Variants in SCAF8 observed in about 807,000 individuals in gnomAD.
SCAF8 encodes the protein SR-related and CTD-associated factor 8.
A neutral mutation model predicts 140.5 loss-of-function variants in SCAF8; 23 were observed. That is an observed-to-expected ratio of 0.16 (90% CI 0.12 to 0.23). The LOEUF (loss-of-function observed/expected upper bound fraction) is 0.23, where lower values mean the gene tolerates loss of function less well. Ranked by LOEUF, SCAF8 falls within the 10% of genes least tolerant of loss-of-function variation. The probability of loss-of-function intolerance (pLI) is 1.00; values close to 1 mark genes in which losing one functional copy is unlikely to be tolerated. For synonymous variants in SCAF8, 575 were observed against 528.9 expected (o/e 1.09, Z -1.20); for missense variants, 1,397 against 1,555.7 (o/e 0.90, Z 1.72).
intron 12 of SCAF8, among the ~76,000 whole-genome samples, chr6:154,812,433 C>G (rs539827711): frequency 4.6e-4 from 70 of 151,408 alleles, no homozygotes; most frequent in Admixed American, 9.2e-4. Flanking sequence ...GGAAGAACAA[C>G]TTATGTGCCT....
At chr6:154,792,173 A>C (rs1436626369) in intron 4 of SCAF8, among the ~76,000 whole-genome samples, 4 of 152,134 alleles carry the variant, frequency 2.6e-5, no homozygotes, top group Admixed American at 2.6e-4. Context: ...GTAAAGAATA[A>C]AGAAGAGGGA....
At chr6:154,770,417 C>CTCTCTG (rs1554259297) in intron 1 of SCAF8, among the ~76,000 whole-genome samples, 3 of 101,872 alleles carry the variant, frequency 2.9e-5, no homozygotes, top group African/African-American at 1.3e-4. Context: ...CTCTCTCTCT[C>CTCTCTG]TCTCTCTAGT....
At chr6:154,743,408 A>G (rs1279315713) in intron 1 of SCAF8, among the ~76,000 whole-genome samples, 1 of 152,242 alleles carries the variant, frequency 6.6e-6, no homozygotes, top group Non-Finnish European at 1.5e-5. Context: ...ATTAGTCTCC[A>G]CATGCATGAT....
In SCAF8 at chr6:154,773,250, A is replaced by G. The variant is rs535648175; in HGVS notation, c.31-739A>G. Among the ~76,000 whole-genome samples the G allele has an allele frequency of 2.8e-3, 434 of 152,320 alleles. 3 individuals carry two copies. The highest frequency in any genetic ancestry group is 0.01 in the African/African-American group (424 of 41,574). On this transcript the variant is annotated intron_variant, in intron 1 of 19. Coordinates refer to ENST00000367178, the MANE Select transcript of SCAF8 (RefSeq NM_014892.5). ...TTATCTCCAGCTCTTTCAGCCCTAG[A>G]CAACCACCAATAGATTTGCCCTTTC...
chr6:154,762,254 A>G (rs1379793428), intron 1 of SCAF8, among the ~76,000 whole-genome samples: 2 of 152,196 alleles, frequency 1.3e-5, no homozygotes, highest in Non-Finnish European at 2.9e-5. Flanking sequence ...TCTTTTGCTA[A>G]TGGTTTCACT....
chr6:154,782,457 G>A (rs1210318603), intron 3 of SCAF8, among the ~76,000 whole-genome samples: 1 of 151,848 alleles, frequency 6.6e-6, no homozygotes, highest in Admixed American at 6.6e-5. Context: ...AAATGGGGGC[G>A]GCAGCAGCAG....
chr6:154,744,032 C>T (rs1387804407), intron 1 of SCAF8, among the ~76,000 whole-genome samples: 3 of 152,198 alleles, frequency 2.0e-5, no homozygotes, highest in Admixed American at 6.5e-5. Context: ...CGGTGGCTCA[C>T]GCCTGTAATC....
chr6:154,827,012 G>C (rs1048854557), intron 17 of SCAF8, among the ~76,000 whole-genome samples, 160 bp from the exon 18 acceptor site: 1 of 152,102 alleles, frequency 6.6e-6, no homozygotes, highest in African/African-American at 2.4e-5. Flanking sequence ...AAATAAGGCA[G>C]CGTATATAAA....
At chr6:154,783,593 G>T (rs374654847) in intron 3 of SCAF8, among the ~76,000 whole-genome samples, 5 of 152,178 alleles carry the variant, frequency 3.3e-5, no homozygotes, top group Admixed American at 6.5e-5. Flanking sequence ...GTGCTAAACT[G>T]TCTAGAGATT....
intron 2 of SCAF8, among the ~76,000 whole-genome samples, chr6:154,774,643 G>A (rs1776867798): frequency 6.6e-6 from 1 of 151,916 alleles, no homozygotes; most frequent in East Asian, 1.9e-4. Context: ...TTATAGATTT[G>A]AAAATAGGCC....
At chr6:154,802,361 A>G (rs575653627) in intron 7 of SCAF8, among the ~76,000 whole-genome samples, 1 of 152,244 alleles carries the variant, frequency 6.6e-6, no homozygotes, top group South Asian at 2.1e-4. Flanking sequence ...GCTCACACCT[A>G]TAATCCCCAG....
intron 4 of SCAF8, among the ~76,000 whole-genome samples, chr6:154,788,838 G>T (rs771128299): frequency 4.6e-5 from 7 of 152,128 alleles, no homozygotes; most frequent in African/African-American, 9.7e-5. Context: ...CCTTTTATTT[G>T]CTCTGAGAGG....
At chr6:154,745,710 T>G (rs1290374271) in intron 1 of SCAF8, among the ~76,000 whole-genome samples, 2 of 152,198 alleles carry the variant, frequency 1.3e-5, no homozygotes, top group Non-Finnish European at 2.9e-5. Flanking sequence ...TTGTCAAATT[T>G]TCACCACTTG....
intron 2 of SCAF8, 144 bp from the exon 3 acceptor site, chr6:154,777,857 G>T: frequency 1.6e-6 from 1 of 619,016 alleles, no homozygotes. Flanking sequence ...ATAAAGGTGA[G>T]TGACAAGAAT....
In SCAF8 at chr6:154,778,769, ATGTGTG is replaced by A. The variant is rs71021079; in HGVS notation, c.159+760_159+765del. On this transcript the variant is annotated intron_variant, in intron 3 of 19. Coordinates refer to ENST00000367178, the MANE Select transcript of SCAF8 (RefSeq NM_014892.5). ...ACAGAGTGAGACCCTGTCTCAAAAAATGTGTGTGTGTGTGTGTGTGTGTGTGTGTGT... is the reference window on the plus strand; with the variant it reads ...ACAGAGTGAGACCCTGTCTCAAAAAATGTGTGTGTGTGTGTGTGTGTGTGT... Among the ~76,000 whole-genome samples the A allele has an allele frequency of 9.7e-3, 1,380 of 142,154 alleles. 22 individuals carry two copies. The highest frequency in any genetic ancestry group is 0.031 in the African/African-American group (1,197 of 38,904). The allele number at this position is 142,154 out of a possible 152,430, so 93.3% of individuals were successfully genotyped here. A position where few individuals can be genotyped will look rare whatever the true frequency, so the allele number is the denominator to read the frequency against.
In SCAF8 at chr6:154,833,249, C is replaced by G. The variant is rs745376668; in HGVS notation, c.3670C>G (p.Gln1224Glu). The G allele has an allele frequency of 6.2e-7, 1 of 1,613,978 alleles. No homozygotes were observed. Among genetic ancestry groups the G allele is most frequent in the Non-Finnish European group, 8.5e-7 (1 of 1,179,974 alleles). Reference protein sequence around the residue: ...VNGENTERHAQPPPIPVQNDP... With the variant: ...VNGENTERHAEPPPIPVQNDP... ...TGGTGAAAATACAGAGAGACATGCT[C>G]AGCCACCACCTATACCAGTACAGAA... The change falls in exon 20 of 20, where the codon CAG (glutamine) becomes GAG (glutamate). Residue 1224 changes from glutamine (Q) to glutamate (E), a missense_variant. This residue lies in a region of SCAF8 where 930 missense variants were observed against 874.6 expected (regional missense o/e 1.06). Coordinates refer to ENST00000367178, the MANE Select transcript of SCAF8 (RefSeq NM_014892.5).
chr6:154,779,410 A>G (rs1346548596), intron 3 of SCAF8, among the ~76,000 whole-genome samples: 1 of 152,236 alleles, frequency 6.6e-6, no homozygotes, highest in Non-Finnish European at 1.5e-5. Context: ...CTTGTTAAAA[A>G]TGTGGATTCT....
intron 1 of SCAF8, among the ~76,000 whole-genome samples, chr6:154,740,075 T>G (rs184288004): frequency 7.7e-4 from 117 of 152,350 alleles, no homozygotes; most frequent in African/African-American, 2.6e-3. Flanking sequence ...TGGTTAATTC[T>G]GTCAGTCAGG....
In SCAF8 at chr6:154,833,551, A is replaced by C; in HGVS notation, c.*156A>C. The C allele has an allele frequency of 1.5e-6, 1 of 683,608 alleles. No homozygotes were observed. Among genetic ancestry groups the C allele is most frequent in the African/African-American group, 1.8e-5 (1 of 55,266 alleles). 42.3% of individuals were successfully genotyped at this position (683,608 alleles called of 1,614,324 possible). A position where few individuals can be genotyped will look rare whatever the true frequency, so the allele number is the denominator to read the frequency against. ...TTCTCTTAAAATAATTGTACAACTG[A>C]CTTGTATAGACATTGTTCTTAATAT... On this transcript the variant is annotated 3_prime_UTR_variant, in exon 20 of 20. Coordinates refer to ENST00000367178, the MANE Select transcript of SCAF8 (RefSeq NM_014892.5).
Sources: gnomAD v4.1 joint callset for allele counts (sites outside exome capture counted in the v4.1 genomes callset) on GRCh38, gnomAD v4.1.1 for gene constraint, gnomAD v4.1.1 regional missense constraint, MANE v1.5 for transcripts, NCBI Gene and HGNC (gene_info 2026-07-23, HGNC 2026-07-21) for gene names.